RGL1: variants seen among roughly 807,000 people sequenced by gnomAD.
The protein encoded by RGL1 is ral guanine nucleotide dissociation stimulator-like 1.
A neutral mutation model predicts 95.2 loss-of-function variants in RGL1; 24 were observed. The observed-to-expected ratio is 0.25, with a 90% CI of 0.18 to 0.35. RGL1 has a LOEUF of 0.35. Among genes scored for constraint, RGL1 ranks in the 10% least tolerant of loss-of-function variants. The probability of loss-of-function intolerance (pLI) is 1.00; values close to 1 mark genes in which losing one functional copy is unlikely to be tolerated. For synonymous variants in RGL1, 329 were observed against 344.9 expected (o/e 0.95, Z 0.51); for missense variants, 715 against 936.3 (o/e 0.76, Z 3.08).
chr1:183,776,141 A>ATTTTTT (rs66738956), intron 2 of RGL1, among the ~76,000 whole-genome samples: 8 of 88,826 alleles, frequency 9.0e-5, no homozygotes, highest in Admixed American at 4.0e-4. Context: ...GGGAATACAG[A>ATTTTTT]TTTTTTTTTT....
intron 2 of RGL1, among the ~76,000 whole-genome samples, chr1:183,831,133 T>C (rs1468152070): frequency 6.6e-6 from 1 of 152,100 alleles, no homozygotes; most frequent in African/African-American, 2.4e-5. Context: ...TAAGGTAATC[T>C]GGTGTGGCAG....
At chr1:183,870,115 G>GT (rs959456043) in intron 4 of RGL1, among the ~76,000 whole-genome samples, 2 of 152,214 alleles carry the variant, frequency 1.3e-5, no homozygotes, top group Non-Finnish European at 2.9e-5. Flanking sequence ...GCAACACACT[G>GT]TTTTAATGAG....
At chr1:183,906,879 GACA>G (rs1217234549) in intron 13 of RGL1, 130 bp from the exon 14 acceptor site, 1 of 647,886 alleles carries the variant, frequency 1.5e-6, no homozygotes. Context: ...TTTATGATAG[GACA>G]ACGTTTGTAT....
intron 14 of RGL1, among the ~76,000 whole-genome samples, chr1:183,908,943 C>T (rs1223516259): frequency 1.3e-5 from 2 of 152,148 alleles, no homozygotes; most frequent in African/African-American, 4.8e-5. Flanking sequence ...GTTCTAATAC[C>T]CCTGGATCCT....
At chr1:183,925,161 G>T (rs371871138) in intron 17 of RGL1, among the ~76,000 whole-genome samples, 1 of 152,142 alleles carries the variant, frequency 6.6e-6, no homozygotes, top group Non-Finnish European at 1.5e-5. Context: ...AATATTTGCT[G>T]CTCCTTCTGC....
rs372089068 is a variant in RGL1 at position 183,922,293 on chromosome 1, C to T, written c.2076C>T (p.Pro692=). ...TGAAGCACAATCTGGACTCAGACCC[C>T]GCCGAGGAGTACGAGCTGGTGCAGG... ...AMLKHNLDSD[P]AEEYELVQVI... is the part of the protein sequence containing the mutation. Residue 692 remains proline (P), a synonymous_variant, in exon 17 of 18, where the codon CCC becomes CCT. Transcript: ENST00000360851. 68 of 1,613,934 alleles carry T rather than the reference C, an allele frequency of 4.2e-5. 1 individual carries two copies. In the African/African-American group the frequency reaches 4.8e-4, roughly 11 times the overall value.
intron 1 of RGL1, among the ~76,000 whole-genome samples, chr1:183,697,964 A>G (rs1217432813): frequency 1.3e-5 from 2 of 152,156 alleles, no homozygotes; most frequent in African/African-American, 4.8e-5. Flanking sequence ...GCATGATGAG[A>G]AGCAGCTTGG....
chr1:183,916,166 T>C (rs1668952963), intron 15 of RGL1, among the ~76,000 whole-genome samples: 1 of 152,168 alleles, frequency 6.6e-6, no homozygotes, highest in African/African-American at 2.4e-5. Context: ...TGCCACCTGC[T>C]GGTTAACTTC....
At chr1:183,920,630 C>T (rs1669260753) in intron 16 of RGL1, among the ~76,000 whole-genome samples, 1 of 152,240 alleles carries the variant, frequency 6.6e-6, no homozygotes, top group Non-Finnish European at 1.5e-5. Context: ...GCCTGACATG[C>T]ATCCCCTGAA....
intron 1 of RGL1, among the ~76,000 whole-genome samples, chr1:183,672,863 G>C (rs951572081): frequency 2.6e-5 from 4 of 152,150 alleles, no homozygotes; most frequent in African/African-American, 9.7e-5. Flanking sequence ...TTCATGGGAT[G>C]TCTTTCTAGA....
intron 1 of RGL1, among the ~76,000 whole-genome samples, chr1:183,645,440 C>T (rs1294830034): frequency 6.6e-6 from 1 of 152,142 alleles, no homozygotes; most frequent in Non-Finnish European, 1.5e-5. Flanking sequence ...GGGATATATC[C>T]CAGTGCCTTT....
At chr1:183,916,180 A>C (rs1366981693) in intron 15 of RGL1, among the ~76,000 whole-genome samples, 2 of 152,026 alleles carry the variant, frequency 1.3e-5, no homozygotes, top group African/African-American at 2.4e-5. Flanking sequence ...TAACTTCTAT[A>C]AGAACAGCTA....
At chr1:183,877,118 A>G (rs1359789138) in intron 4 of RGL1, among the ~76,000 whole-genome samples, 1 of 152,218 alleles carries the variant, frequency 6.6e-6, no homozygotes. Context: ...CCGGTGGGAC[A>G]GCCAGGATGA....
intron 2 of RGL1, among the ~76,000 whole-genome samples, chr1:183,756,488 G>T (rs1366041592): frequency 6.6e-6 from 1 of 152,214 alleles, no homozygotes; most frequent in Admixed American, 6.5e-5. Context: ...GAAGTATCCT[G>T]TGGGCACTGT....
Position 183,916,602 on chromosome 1 carries a change from G to A in RGL1, c.1905G>A (p.Ser635=), listed in dbSNP as rs371789837. 2.5e-4 allele frequency: 406 copies of A among 1,612,988 alleles called. No homozygotes were observed. The highest frequency in any genetic ancestry group is 3.2e-4 in the Non-Finnish European group (376 of 1,179,818). The change falls in exon 16 of 18, where the codon TCG becomes TCA. Residue 635 remains serine, a synonymous_variant. Coordinates refer to ENST00000360851, the MANE Select transcript of RGL1 (RefSeq NM_001297671.3). ...KRSVSVTSIT[S]TVLPPVYNQQ... ...CTGTCTCGGTGACGTCCATTACCTC[G>A]ACTGTGCTGCCTCCTGTTTACAACC...
chr1:183,657,881 C>T (rs141840441), intron 1 of RGL1, among the ~76,000 whole-genome samples: 1 of 151,836 alleles, frequency 6.6e-6, no homozygotes, highest in Admixed American at 6.6e-5. Flanking sequence ...CTTCCACAAT[C>T]GTTGAACTAG....
At chr1:183,800,136 T>A (rs568266446), upstream of RGL1, among the ~76,000 whole-genome samples, 3 of 152,206 alleles carry the variant, frequency 2.0e-5, no homozygotes, top group African/African-American at 7.2e-5. Flanking sequence ...CACATAAATA[T>A]CACTCCATAT....
At position 183,926,871 on chromosome 1, in the gene RGL1, A is replaced by G. The variant is rs1669643021; in HGVS notation, c.*579A>G. On this transcript the variant is annotated 3_prime_UTR_variant, in exon 18 of 18. Coordinates refer to ENST00000360851, the MANE Select transcript of RGL1 (RefSeq NM_001297671.3). ...CAACTGCAGAGGCTGGAACTGCCAC[A>G]GGCTGTATGAAAGGCCACTTTGGAA... 1 of 152,670 alleles carries G rather than the reference A, an allele frequency of 6.6e-6. No individual in the cohort carries two copies. Among genetic ancestry groups the G allele is most frequent in the Admixed American group, 6.5e-5 (1 of 15,284 alleles). 9.5% of individuals were successfully genotyped at this position (152,670 alleles called of 1,614,324 possible).
intron 3 of RGL1, among the ~76,000 whole-genome samples, chr1:183,852,963 G>A (rs1664917022): frequency 6.6e-6 from 1 of 152,212 alleles, no homozygotes; most frequent in Non-Finnish European, 1.5e-5. Flanking sequence ...GTTTTCTTCA[G>A]ATAGCTGTCA....
Sources: gnomAD v4.1 joint callset for allele counts (sites outside exome capture counted in the v4.1 genomes callset) on GRCh38, gnomAD v4.1.1 for gene constraint, MANE v1.5 for transcripts, NCBI Gene and HGNC (gene_info 2026-07-23, HGNC 2026-07-21) for gene names.